PPM1L: variants seen among roughly 807,000 people sequenced by gnomAD.
PPM1L encodes protein phosphatase 1L.
PPM1L carries 13 observed loss-of-function variants against 31.4 expected under a neutral mutation model. The observed-to-expected ratio is 0.41, with a 90% CI of 0.27 to 0.66. The LOEUF (loss-of-function observed/expected upper bound fraction) is 0.66, where lower values mean the gene tolerates loss of function less well. PPM1L is among the 30% of genes least tolerant of loss of function. The pLI is 0.29. For synonymous variants in PPM1L, 184 were observed against 175.4 expected, an observed-to-expected ratio of 1.05 and a Z score of -0.39; for missense variants, 326 against 453.7, an observed-to-expected ratio of 0.72 and a Z score of 2.56.
chr3:160,814,982 T>G (rs1712951092), intron 1 of PPM1L, among the ~76,000 whole-genome samples: 1 of 152,110 alleles, frequency 6.6e-6, no homozygotes, highest in East Asian at 1.9e-4. Flanking sequence ...AATGATACAA[T>G]GGACTTTCGG....
chr3:161,068,874 T>TG lies in PPM1L; in HGVS notation c.805dup (p.Asp269GlyfsTer20). ...GGAATCCTGGCCATGTCTCGGTCCCTGGGGGATTATCCGCTGAAAAATCTC... is the reference window on the plus strand; with the variant it reads ...GGAATCCTGGCCATGTCTCGGTCCCTGGGGGGATTATCCGCTGAAAAATCTC... On this transcript the variant is annotated frameshift_variant, in exon 4 of 4. Coordinates refer to ENST00000498165, the MANE Select transcript of PPM1L (RefSeq NM_139245.4). LOFTEE classifies it high-confidence loss of function. 1 of 1,614,144 alleles carries TG rather than the reference T, an allele frequency of 6.2e-7. No individual in the cohort carries two copies. Among genetic ancestry groups the TG allele is most frequent in the Non-Finnish European group, 8.5e-7 (1 of 1,180,026 alleles).
At chr3:160,823,897 C>T (rs1247366605) in intron 1 of PPM1L, among the ~76,000 whole-genome samples, 1 of 152,066 alleles carries the variant, frequency 6.6e-6, no homozygotes, top group Non-Finnish European at 1.5e-5. Flanking sequence ...ATGACTAGGT[C>T]TGATTTATTC....
At chr3:160,763,039 T>A (rs1358443817) in intron 1 of PPM1L, among the ~76,000 whole-genome samples, 1 of 152,224 alleles carries the variant, frequency 6.6e-6, no homozygotes, top group African/African-American at 2.4e-5. Context: ...AGATGCTGTC[T>A]CCATCTTGAT....
At chr3:160,997,505 A>G (rs1189834256) in intron 2 of PPM1L, among the ~76,000 whole-genome samples, 1 of 152,186 alleles carries the variant, frequency 6.6e-6, no homozygotes, top group Non-Finnish European at 1.5e-5. Flanking sequence ...ATGGGAAACC[A>G]TTTGTTGAAT....
intron 1 of PPM1L, among the ~76,000 whole-genome samples, chr3:160,941,377 T>C (rs572014275): frequency 6.6e-6 from 1 of 152,294 alleles, no homozygotes; most frequent in South Asian, 2.1e-4. Flanking sequence ...AATGACATGC[T>C]TGGCTGTGTC....
chr3:160,872,997 C>T (rs1293608794), intron 1 of PPM1L, among the ~76,000 whole-genome samples: 2 of 152,152 alleles, frequency 1.3e-5, no homozygotes, highest in Non-Finnish European at 2.9e-5. Context: ...TGTCAAGTAA[C>T]TTTGTATTCA....
intron 2 of PPM1L, among the ~76,000 whole-genome samples, chr3:161,017,344 T>C (rs1718113891): frequency 6.6e-6 from 1 of 152,168 alleles, no homozygotes; most frequent in African/African-American, 2.4e-5. Flanking sequence ...TATAGAGAAG[T>C]GTCATATTTT....
At chr3:161,053,097 T>C (rs1332746654) in intron 2 of PPM1L, among the ~76,000 whole-genome samples, 1 of 152,250 alleles carries the variant, frequency 6.6e-6, no homozygotes, top group African/African-American at 2.4e-5. Context: ...TGAAAAAATA[T>C]AGCTGGTGCT....
intron 1 of PPM1L, among the ~76,000 whole-genome samples, chr3:160,885,970 G>C (rs1712903022): frequency 6.6e-6 from 1 of 152,192 alleles, no homozygotes; most frequent in Admixed American, 6.5e-5. Flanking sequence ...TGGGGGAAGG[G>C]CGTCATTCAT....
intron 1 of PPM1L, among the ~76,000 whole-genome samples, chr3:160,838,810 A>G (rs761315144): frequency 2.6e-5 from 4 of 152,080 alleles, no homozygotes; most frequent in Non-Finnish European, 4.4e-5. Flanking sequence ...AATTTTCTAT[A>G]TTGGAGGGTC....
At chr3:160,942,931 C>T (rs1463850579) in intron 1 of PPM1L, among the ~76,000 whole-genome samples, 1 of 151,984 alleles carries the variant, frequency 6.6e-6, no homozygotes. Flanking sequence ...GTACTGCTTA[C>T]ACTCTACCTA....
At chr3:160,918,793 C>G (rs994474381) in intron 1 of PPM1L, among the ~76,000 whole-genome samples, 4 of 152,074 alleles carry the variant, frequency 2.6e-5, no homozygotes, top group Non-Finnish European at 5.9e-5. Context: ...ATAAAATACC[C>G]TTGCCTGGAA....
intron 1 of PPM1L, among the ~76,000 whole-genome samples, chr3:160,787,543 G>A (rs1331486215): frequency 6.6e-6 from 1 of 152,084 alleles, no homozygotes; most frequent in East Asian, 1.9e-4. Flanking sequence ...CATCCCATAG[G>A]TTGTCTGTTT....
chr3:160,840,753 AAAG>A (rs1247706392), intron 1 of PPM1L, among the ~76,000 whole-genome samples: 1 of 150,424 alleles, frequency 6.6e-6, no homozygotes, highest in Non-Finnish European at 1.5e-5. Flanking sequence ...GGAGAGAGAG[AAAG>A]AAGGAGAGAG....
chr3:160,910,431 G>A (rs959513522), intron 1 of PPM1L, among the ~76,000 whole-genome samples: 5 of 151,538 alleles, frequency 3.3e-5, no homozygotes, highest in African/African-American at 1.2e-4. Flanking sequence ...TCATGCCTCA[G>A]CCTCCCCAGT....
At chr3:160,962,031 ATAG>A in intron 2 of PPM1L, 121 bp downstream of exon 2, 4 of 618,086 alleles carry the variant, frequency 6.5e-6, no homozygotes, top group Non-Finnish European at 1.0e-5. Context: ...ACATGGACTA[ATAG>A]TAAGTTTCTT....
intron 1 of PPM1L, among the ~76,000 whole-genome samples, chr3:160,831,632 C>T (rs1167488251): frequency 6.6e-6 from 1 of 152,168 alleles, no homozygotes; most frequent in Non-Finnish European, 1.5e-5. Flanking sequence ...CTGGGTCCCC[C>T]TAAGCCTCCC....
intron 1 of PPM1L, chr3:160,842,388 G>C: frequency 1.5e-6 from 1 of 688,342 alleles, no homozygotes; most frequent in Non-Finnish European, 2.7e-6. Flanking sequence ...TTCAAATTGG[G>C]AGGGGCTTTG....
chr3:160,975,161 T>C (rs1209547412), intron 2 of PPM1L, among the ~76,000 whole-genome samples: 1 of 152,168 alleles, frequency 6.6e-6, no homozygotes, highest in Non-Finnish European at 1.5e-5. Context: ...TTTCTCAGGT[T>C]TGTCAAAGAT....
Sources: allele counts gnomAD v4.1 joint callset (sites outside exome capture counted in the v4.1 genomes callset), GRCh38; gene constraint gnomAD v4.1.1; transcripts MANE v1.5; gene names NCBI Gene and HGNC (gene_info 2026-07-23, HGNC 2026-07-21).